Variants in SLC7A7 observed in about 807,000 individuals in gnomAD.
The protein encoded by SLC7A7 is Y+L amino acid transporter 1.
Under a neutral mutation model 47.9 loss-of-function variants are expected in SLC7A7, and 39 were observed. The observed-to-expected ratio is 0.81, with a 90% CI of 0.63 to 1.06. The LOEUF (loss-of-function observed/expected upper bound fraction) is 1.06. Ranked by LOEUF, SLC7A7 falls within the 50% of genes least tolerant of loss-of-function variation. The pLI, the probability that SLC7A7 is intolerant of heterozygous loss-of-function variation, is 0.00. For synonymous variants in SLC7A7, 234 were observed against 242.8 expected, an observed-to-expected ratio of 0.96 and a Z score of 0.34; for missense variants, 588 against 632.0, an observed-to-expected ratio of 0.93 and a Z score of 0.75.
chr14:22,810,521 T>C (rs1375503796), intron 2 of SLC7A7, among the ~76,000 whole-genome samples: 1 of 149,832 alleles, frequency 6.7e-6, no homozygotes, highest in Non-Finnish European at 1.5e-5. Context: ...ATCTTAGAAA[T>C]ATTACTTAGA....
intron 2 of SLC7A7, among the ~76,000 whole-genome samples, chr14:22,794,610 C>A (rs1306538199): frequency 6.6e-6 from 1 of 152,138 alleles, no homozygotes; most frequent in African/African-American, 2.4e-5. Flanking sequence ...ATGCAGGAGA[C>A]CTGAGACAGT....
At chr14:22,785,005 G>A (rs1256248755) in intron 2 of SLC7A7, among the ~76,000 whole-genome samples, 14 of 152,294 alleles carry the variant, frequency 9.2e-5, no homozygotes, top group African/African-American at 1.7e-4. Flanking sequence ...AGAGCCAGGC[G>A]CGGTGGTTCG....
At chr14:22,805,242 TGTA>T (rs1176187682) in intron 2 of SLC7A7, among the ~76,000 whole-genome samples, 1 of 152,130 alleles carries the variant, frequency 6.6e-6, no homozygotes, top group Non-Finnish European at 1.5e-5. Context: ...GGTGGGCTCC[TGTA>T]ATCCTAGCTA....
chr14:22,806,898 T>TTC (rs2039220455), intron 2 of SLC7A7, among the ~76,000 whole-genome samples: 1 of 147,360 alleles, frequency 6.8e-6, no homozygotes, highest in African/African-American at 2.5e-5. Flanking sequence ...CTGTTAACTT[T>TTC]TTTTTTTTTT....
chr14:22,814,210 G>T (rs28505834), intron 1 of SLC7A7, among the ~76,000 whole-genome samples: 1 of 151,736 alleles, frequency 6.6e-6, no homozygotes, highest in African/African-American at 2.4e-5. Flanking sequence ...TGGGCCGGGC[G>T]CTGTGGCTCA....
intron 8 of SLC7A7, 77 bp from the exon 9 acceptor site, chr14:22,774,193 G>C: frequency 6.3e-7 from 1 of 1,590,336 alleles, no homozygotes; most frequent in Non-Finnish European, 8.6e-7. Flanking sequence ...CTCCCATAAG[G>C]ATTAGCGCAC....
chr14:22,810,324 C>T (rs979484291), intron 2 of SLC7A7, among the ~76,000 whole-genome samples: 1 of 150,088 alleles, frequency 6.7e-6, no homozygotes, highest in Admixed American at 6.7e-5. Context: ...ATTAGCCGGG[C>T]ATGGTAGCAC....
At chr14:22,800,931 C>T (rs1240625783) in intron 2 of SLC7A7, among the ~76,000 whole-genome samples, 3 of 151,912 alleles carry the variant, frequency 2.0e-5, no homozygotes, top group Admixed American at 6.6e-5. Context: ...CGGAGCAAGA[C>T]TCCACCTCAA....
Position 22,776,200 on chromosome 14 carries a change from C to T in SLC7A7, c.889G>A (p.Ala297Thr). The stretch of plus-strand genomic sequence containing the variant: ...TGCTAGTGAAAATCCTTTACCACAG[C>T]AACAGCATCACTGGCCAAGATGTCT... ...MRDILASDAV[A>T]VTFADQIFGI... The change falls in exon 5 of 10, where the codon GCT (alanine) becomes ACT (threonine). Residue 297 changes from alanine (A) to threonine (T), a missense_variant. Ala to Thr is a moderately conservative substitution (Grantham distance 58, BLOSUM62 0). Transcript: ENST00000674313. 6.2e-7 allele frequency: 1 copy of T among 1,614,222 alleles called. No individual in the cohort carries two copies.
intron 2 of SLC7A7, among the ~76,000 whole-genome samples, chr14:22,793,194 G>T (rs1176709339): frequency 6.6e-6 from 1 of 151,938 alleles, no homozygotes; most frequent in Non-Finnish European, 1.5e-5. Context: ...TGGGATTACA[G>T]GCGTAAACCA....
rs2038847169 is a variant in SLC7A7, at chr14:22,787,893, G to A, written c.500-7842C>T. ...TCGAGACCATCCTGGCTAACACAAT[G>A]AAACCCCATCTCTACTAAAAATACA... is the stretch of plus-strand genomic sequence containing the variant. On this transcript the variant is annotated intron_variant, in intron 2 of 9. Transcript: ENST00000674313. Among the ~76,000 whole-genome samples the A allele has an allele frequency of 1.3e-5, 2 of 151,926 alleles. 1 individual carries two copies. Among genetic ancestry groups the A allele is most frequent in the Admixed American group, 1.3e-4 (2 of 15,228 alleles).
At chr14:22,806,895 C>CTTTTT (rs397852982) in intron 2 of SLC7A7, among the ~76,000 whole-genome samples, 1 of 123,626 alleles carries the variant, frequency 8.1e-6, no homozygotes, top group Admixed American at 8.9e-5. Flanking sequence ...CCACTGTTAA[C>CTTTTT]TTTTTTTTTT....
intron 2 of SLC7A7, among the ~76,000 whole-genome samples, chr14:22,807,159 A>G (rs1315001091): frequency 1.3e-5 from 2 of 152,096 alleles, no homozygotes; most frequent in East Asian, 3.9e-4. Context: ...TCGGCCTCCC[A>G]AAGTGCTGGG....
intron 2 of SLC7A7, among the ~76,000 whole-genome samples, chr14:22,796,158 A>T (rs537530475): frequency 9.2e-5 from 14 of 152,086 alleles, no homozygotes; most frequent in Admixed American, 3.3e-4. Flanking sequence ...AAAGGCAACT[A>T]GCTTCCAAGT....
At chr14:22,780,181 G>T (rs184400378) in intron 2 of SLC7A7, 130 bp from the exon 3 acceptor site, 1 of 1,315,158 alleles carries the variant, frequency 7.6e-7, no homozygotes, top group South Asian at 1.2e-5. Flanking sequence ...CCTCTGACCT[G>T]CTCTGCACTG....
rs1329009182 is a variant in SLC7A7 at position 22,773,257 on chromosome 14, T to C, written c.*353A>G. The C allele has an allele frequency of 2.3e-6, 1 of 437,682 alleles. No individual in the cohort carries two copies. Among genetic ancestry groups the C allele is most frequent in the Non-Finnish European group, 4.4e-6 (1 of 226,464 alleles). The allele number at this position is 437,682 out of a possible 1,614,324, so 27.1% of individuals were successfully genotyped here. A position where few individuals can be genotyped will look rare whatever the true frequency, so the allele number is the denominator to read the frequency against. Reference sequence around the variant, plus strand: ...TAAACTTTTATTGTCATCCAGCACCTGTGATAGTTTCATGTCTCTCTAAAG... The same window carrying C: ...TAAACTTTTATTGTCATCCAGCACCCGTGATAGTTTCATGTCTCTCTAAAG... On this transcript the variant is annotated 3_prime_UTR_variant, in exon 10 of 10. Coordinates refer to ENST00000674313, the MANE Select transcript of SLC7A7 (RefSeq NM_003982.4).
intron 2 of SLC7A7, among the ~76,000 whole-genome samples, chr14:22,800,317 C>G (rs989572767): frequency 7.9e-5 from 12 of 152,190 alleles, no homozygotes; most frequent in African/African-American, 2.9e-4. Context: ...TTCCAATATG[C>G]CTCAACGTCT....
At chr14:22,805,122 C>T (rs1000790505) in intron 2 of SLC7A7, among the ~76,000 whole-genome samples, 2 of 152,088 alleles carry the variant, frequency 1.3e-5, no homozygotes, top group African/African-American at 4.8e-5. Context: ...AATCCCAGCA[C>T]TTTGGGAGGC....
At chr14:22,779,787 C>T in intron 3 of SLC7A7, 139 bp downstream of exon 3, 1 of 851,590 alleles carries the variant, frequency 1.2e-6, no homozygotes, top group Non-Finnish European at 1.9e-6. Flanking sequence ...GTTTCCTCAT[C>T]CATAAAATGA....
Sources: gnomAD v4.1 joint callset for allele counts (sites outside exome capture counted in the v4.1 genomes callset) on GRCh38, gnomAD v4.1.1 for gene constraint, MANE v1.5 for transcripts, NCBI Gene and HGNC (gene_info 2026-07-23, HGNC 2026-07-21) for gene names.